The following EXD3 variants were observed in gnomAD, a reference collection of about 807,000 sequenced individuals.
EXD3 encodes exonuclease 3'-5' domain containing 3, also known as exonuclease mut-7 homolog.
Under a neutral mutation model 98.0 loss-of-function variants are expected in EXD3, and 92 were observed. That is an observed-to-expected ratio of 0.94 (90% CI 0.79 to 1.12). The LOEUF (loss-of-function observed/expected upper bound fraction) is 1.12. EXD3 is among the 50% of genes most tolerant of loss of function. The probability of loss-of-function intolerance (pLI) is 0.00; values close to 1 mark genes in which losing one functional copy is unlikely to be tolerated. For missense variants in EXD3, 1,222 were observed against 1,191.6 expected, an observed-to-expected ratio of 1.03 and a Z score of -0.38; for synonymous variants, 569 against 526.0, an observed-to-expected ratio of 1.08 and a Z score of -1.12.
At chr9:137,367,188 C>T (rs576522817) in intron 6 of EXD3, among the ~76,000 whole-genome samples, 6 of 152,256 alleles carry the variant, frequency 3.9e-5, no homozygotes, top group South Asian at 4.1e-4. Flanking sequence ...GGCTGCCTGG[C>T]GCCGACTGCA....
At chr9:137,390,226 C>G (rs866067975) in intron 2 of EXD3, among the ~76,000 whole-genome samples, 1 of 148,128 alleles carries the variant, frequency 6.8e-6, no homozygotes, top group Non-Finnish European at 1.5e-5. Context: ...GTCAGGAGAT[C>G]GAGACCATCC....
At chr9:137,333,674 T>C (rs1343008990) in intron 17 of EXD3, among the ~76,000 whole-genome samples, 1 of 152,128 alleles carries the variant, frequency 6.6e-6, no homozygotes, top group African/African-American at 2.4e-5. Flanking sequence ...GCCTTCACCA[T>C]GTGACATGCA....
chr9:137,404,994 T>C lies in EXD3; in HGVS notation c.-47-9590A>G, dbSNP rs539152993. Among the ~76,000 whole-genome samples, 21 of 152,174 alleles carry C rather than the reference T, an allele frequency of 1.4e-4. No homozygotes were observed. The South Asian group carries it at 3.7e-3, about 27-fold the overall frequency. ...CTGTTGCCACAGCCCTCCCAGGTGC[T>C]CGAGGGGACACAGTGCTATCCCCCA... On this transcript the variant is annotated intron_variant, in intron 1 of 21. Coordinates refer to ENST00000340951, the MANE Select transcript of EXD3 (RefSeq NM_017820.5).
At chr9:137,315,428 G>A (rs1241488654) in intron 19 of EXD3, among the ~76,000 whole-genome samples, 5 of 152,228 alleles carry the variant, frequency 3.3e-5, no homozygotes, top group Admixed American at 3.3e-4. Flanking sequence ...CCCGCTGGCA[G>A]CTCTGAAGCC....
At chr9:137,319,533 C>T (rs1439368862) in intron 19 of EXD3, among the ~76,000 whole-genome samples, 3 of 152,128 alleles carry the variant, frequency 2.0e-5, no homozygotes, top group Non-Finnish European at 2.9e-5. Context: ...GTGGTGGGAA[C>T]GTGGCCTGAG....
chr9:137,382,424 C>T (rs1015637100), intron 3 of EXD3, among the ~76,000 whole-genome samples: 2 of 151,960 alleles, frequency 1.3e-5, no homozygotes, highest in East Asian at 1.9e-4. Context: ...GAGGCTCACA[C>T]CACACACGCA....
At chr9:137,422,504 C>G (rs1383792646) in intron 1 of EXD3, among the ~76,000 whole-genome samples, 1 of 152,184 alleles carries the variant, frequency 6.6e-6, no homozygotes, top group East Asian at 1.9e-4. Context: ...TCGAAACCAC[C>G]TGCTCTCCGA....
At chr9:137,368,055 G>A in intron 5 of EXD3, 66 bp from the exon 6 acceptor site, 1 of 1,359,898 alleles carries the variant, frequency 7.4e-7, no homozygotes, top group East Asian at 2.4e-5. Flanking sequence ...GGCGGGTGAG[G>A]GGGCTACCAC....
chr9:137,334,843 C>T (rs566489351), intron 17 of EXD3, among the ~76,000 whole-genome samples: 4 of 152,178 alleles, frequency 2.6e-5, no homozygotes, highest in African/African-American at 9.6e-5. Context: ...TTTGGGAGGC[C>T]GAGGCGGGCG....
intron 5 of EXD3, 120 bp downstream of exon 5, chr9:137,372,785 T>C (rs1835698295): frequency 2.8e-6 from 3 of 1,074,428 alleles, no homozygotes; most frequent in Admixed American, 4.7e-5. Context: ...CCTTGATACC[T>C]CCATGTAGAC....
Position 137,334,770 on chromosome 9 carries a change from A to T in EXD3, c.1999-10627T>A, listed in dbSNP as rs1588285323. 3.3e-5 allele frequency among the ~76,000 whole-genome samples: 5 copies of T among 152,356 alleles called. No homozygotes were observed. The Middle Eastern group carries it at 0.014, about 415-fold the overall frequency. On this transcript the variant is annotated intron_variant, in intron 17 of 21. Transcript: ENST00000340951. ...CTAAAAAGCTTCTGCACAGCAAAAG[A>T]AATAATCATCAGAGAAAACACCAGC... is the stretch of plus-strand genomic sequence containing the variant.
intron 8 of EXD3, among the ~76,000 whole-genome samples, chr9:137,355,621 GGGAGGAT>G (rs1320938361): frequency 0.023 from 89 of 3,790 alleles, 1 homozygote; most frequent in East Asian, 0.053. Flanking sequence ...GAAGGAGGAA[GGGAGGAT>G]GGAGGAAGGA....
chr9:137,341,221 T>C (rs547959720), intron 17 of EXD3, among the ~76,000 whole-genome samples: 8 of 152,220 alleles, frequency 5.3e-5, no homozygotes, highest in African/African-American at 9.6e-5. Flanking sequence ...GGAGGCTGAG[T>C]TGGGAGGCTC....
chr9:137,373,914 T>C (rs970427063), intron 3 of EXD3, among the ~76,000 whole-genome samples: 1 of 152,218 alleles, frequency 6.6e-6, no homozygotes, highest in Non-Finnish European at 1.5e-5. Flanking sequence ...TCACTTTACC[T>C]GCGGCACTCG....
intron 17 of EXD3, among the ~76,000 whole-genome samples, chr9:137,333,865 TCTCA>T (rs1246761186): frequency 8.6e-5 from 13 of 151,784 alleles, no homozygotes; most frequent in African/African-American, 3.1e-4. Context: ...TGAGACAGAG[TCTCA>T]CTCTGTCACC....
At chr9:137,368,381 C>G (rs1835379635) in intron 5 of EXD3, among the ~76,000 whole-genome samples, 1 of 152,180 alleles carries the variant, frequency 6.6e-6, no homozygotes, top group Non-Finnish European at 1.5e-5. Context: ...TCTGCGGGCC[C>G]CAGAACACAA....
Position 137,403,969 on chromosome 9 carries a change from A to G in EXD3, c.-47-8565T>C, listed in dbSNP as rs188356657. ...TCCAGGGCCGTACAAAGCACCACAC[A>G]CAGGGCGCGAGTGACAGGGACGTGT... On this transcript the variant is annotated intron_variant, in intron 1 of 21. Transcript: ENST00000340951. The surrounding 1 kb of genome is among the most constrained non-coding windows in gnomAD (Gnocchi z 6.1). 1.4e-5 allele frequency among the ~76,000 whole-genome samples: 2 copies of G among 147,172 alleles called. No homozygotes were observed. The highest frequency in any genetic ancestry group is 1.3e-4 in the Admixed American group (2 of 14,916).
intron 1 of EXD3, among the ~76,000 whole-genome samples, chr9:137,401,735 C>T (rs1837489573): frequency 6.6e-6 from 1 of 152,204 alleles, no homozygotes; most frequent in African/African-American, 2.4e-5. Flanking sequence ...CACCAAGTCC[C>T]TAGACTGCAC....
intron 1 of EXD3, among the ~76,000 whole-genome samples, chr9:137,404,103 C>T (rs1391797826): frequency 6.6e-6 from 1 of 152,162 alleles, no homozygotes; most frequent in African/African-American, 2.4e-5. Context: ...GCGTCTGTGT[C>T]CTGATCTCCC....
Sources: allele counts gnomAD v4.1 joint callset (sites outside exome capture counted in the v4.1 genomes callset), GRCh38; gene constraint gnomAD v4.1.1; non-coding constraint Gnocchi (gnomAD v3.1); transcripts MANE v1.5; gene names NCBI Gene and HGNC (gene_info 2026-07-23, HGNC 2026-07-21).